The following NXNL2 variants were observed in gnomAD, a reference collection of about 807,000 sequenced individuals.
The protein encoded by NXNL2 is nucleoredoxin like 2.
A neutral mutation model predicts 11.1 loss-of-function variants in NXNL2; 7 were observed. The ratio of observed to expected loss-of-function variants is 0.63; its 90% CI spans 0.36 to 1.18. The LOEUF (loss-of-function observed/expected upper bound fraction) is 1.18. NXNL2 is among the 50% of genes most tolerant of loss of function. NXNL2 has a pLI of 0.02. For missense variants in NXNL2, 233 were observed against 217.7 expected, an observed-to-expected ratio of 1.07 and a Z score of -0.44; for synonymous variants, 109 against 101.8, an observed-to-expected ratio of 1.07 and a Z score of -0.42.
chr9:88,535,394 T>G lies in NXNL2; in HGVS notation c.-41T>G, dbSNP rs777247966. 3.3e-6 allele frequency: 5 copies of G among 1,530,940 alleles called. No homozygotes were observed. The highest frequency in any genetic ancestry group is 2.6e-6 in the Non-Finnish European group (3 of 1,146,172). The allele number at this position is 1,530,940 out of a possible 1,614,324, so 94.8% of individuals were successfully genotyped here. A position where few individuals can be genotyped will look rare whatever the true frequency, so the allele number is the denominator to read the frequency against. On this transcript the variant is annotated 5_prime_UTR_variant, in exon 1 of 2. Transcript: ENST00000375854. ...GCCTCCCCGCAGGTGATCATCCTCC[T>G]GCAGGTGTCCTCGGGTCTCAGGTGG... is the stretch of plus-strand genomic sequence containing the variant.
chr9:88,553,292 G>A (rs1829967320), intron 1 of NXNL2, among the ~76,000 whole-genome samples: 2 of 152,264 alleles, frequency 1.3e-5, no homozygotes, highest in South Asian at 4.1e-4. Flanking sequence ...GTTGCAGTGA[G>A]CTGAGATTGT....
At chr9:88,536,581 T>A (rs1261316992) in intron 1 of NXNL2, among the ~76,000 whole-genome samples, 1 of 152,142 alleles carries the variant, frequency 6.6e-6, no homozygotes, top group East Asian at 1.9e-4. Context: ...AATTTCTGGG[T>A]TTTGCTTTAC....
At chr9:88,540,318 C>G (rs887274786) in intron 1 of NXNL2, among the ~76,000 whole-genome samples, 3 of 148,156 alleles carry the variant, frequency 2.0e-5, no homozygotes, top group Admixed American at 1.3e-4. Flanking sequence ...GGCGAAAGAG[C>G]GAGACTCCAT....
chr9:88,535,323 C>G lies in NXNL2; in HGVS notation c.-112C>G. 1 of 1,124,582 alleles carries G rather than the reference C, an allele frequency of 8.9e-7. No homozygotes were observed. The highest frequency in any genetic ancestry group is 1.6e-5 in the South Asian group (1 of 61,950). 69.7% of individuals were successfully genotyped at this position (1,124,582 alleles called of 1,614,324 possible). A position where few individuals can be genotyped will look rare whatever the true frequency, so the allele number is the denominator to read the frequency against. On this transcript the variant is annotated 5_prime_UTR_variant, in exon 1 of 2. Transcript: ENST00000375854. ...CTGGGGCAGGTCTTGAGAGGTCCAG[C>G]GCCCGGTGGTGCGGACAGAGGCGGG... is the stretch of plus-strand genomic sequence containing the variant.
intron 1 of NXNL2, among the ~76,000 whole-genome samples, chr9:88,583,432 C>T (rs537618363): frequency 1.1e-4 from 17 of 152,302 alleles, no homozygotes; most frequent in African/African-American, 3.1e-4. Flanking sequence ...TGGTATTTGA[C>T]GCTGCATGGT....
chr9:88,541,312 G>A (rs535447702), intron 1 of NXNL2, among the ~76,000 whole-genome samples: 9 of 151,956 alleles, frequency 5.9e-5, no homozygotes, highest in Admixed American at 4.6e-4. Context: ...CCAGGCTGGA[G>A]TGCAGTGGTG....
chr9:88,564,643 C>T (rs536168581), intron 1 of NXNL2, among the ~76,000 whole-genome samples: 18 of 152,028 alleles, frequency 1.2e-4, no homozygotes, highest in Admixed American at 2.6e-4. Context: ...CTTGAACTCC[C>T]GACCTCAGGT....
At chr9:88,579,019 G>A (rs887630081), downstream of NXNL2, among the ~76,000 whole-genome samples, 1 of 152,176 alleles carries the variant, frequency 6.6e-6, no homozygotes, top group African/African-American at 2.4e-5. Flanking sequence ...GGGGATCACA[G>A]GAAAGTCTCG....
At chr9:88,555,570 G>A (rs1007983723) in intron 1 of NXNL2, among the ~76,000 whole-genome samples, 4 of 152,176 alleles carry the variant, frequency 2.6e-5, no homozygotes, top group Non-Finnish European at 5.9e-5. Flanking sequence ...CCTGTGTCTT[G>A]TGAAACAAGT....
At chr9:88,564,556 A>G (rs1039977025) in intron 1 of NXNL2, among the ~76,000 whole-genome samples, 1 of 152,056 alleles carries the variant, frequency 6.6e-6, no homozygotes, top group Non-Finnish European at 1.5e-5. Flanking sequence ...AGCTGGGATT[A>G]CAGGCATGTG....
rs1386755565 is a variant in NXNL2, at chr9:88,535,230, T to G, written c.-205T>G. 7.2e-6 allele frequency: 4 copies of G among 559,162 alleles called. No individual in the cohort carries two copies. In the African/African-American group the frequency reaches 8.0e-5, roughly 11 times the overall value. The allele number at this position is 559,162 out of a possible 1,614,324, so 34.6% of individuals were successfully genotyped here. ...GTATCTGGGGTCTCTGGTGTCTGAG[T>G]GTCTCATTGTCGGCGCGAACACAAT... On this transcript the variant is annotated 5_prime_UTR_variant, in exon 1 of 2. Coordinates refer to ENST00000375854, the MANE Select transcript of NXNL2 (RefSeq NM_001161625.2).
chr9:88,552,663 A>G (rs1472528096), intron 1 of NXNL2, among the ~76,000 whole-genome samples: 5 of 151,664 alleles, frequency 3.3e-5, no homozygotes, highest in African/African-American at 7.3e-5. Context: ...TAGAGACGGG[A>G]TTTCACCGTG....
chr9:88,538,543 T>C (rs951550682), intron 1 of NXNL2, among the ~76,000 whole-genome samples: 1 of 152,196 alleles, frequency 6.6e-6, no homozygotes, highest in African/African-American at 2.4e-5. Flanking sequence ...GCAAATCCTG[T>C]GTCTCCTCAC....
intron 1 of NXNL2, among the ~76,000 whole-genome samples, chr9:88,543,767 A>G (rs1829806041): frequency 6.6e-6 from 1 of 152,244 alleles, no homozygotes; most frequent in Non-Finnish European, 1.5e-5. Context: ...CACTAGCCAC[A>G]TTCTGAGCTC....
chr9:88,579,957 T>G (rs1830391234), downstream of NXNL2, among the ~76,000 whole-genome samples: 1 of 151,858 alleles, frequency 6.6e-6, no homozygotes, highest in Non-Finnish European at 1.5e-5. Flanking sequence ...GGTGAAATCC[T>G]ATCTCTACTA....
downstream of NXNL2, among the ~76,000 whole-genome samples, chr9:88,546,714 C>T (rs1404738943): frequency 6.6e-6 from 1 of 152,008 alleles, no homozygotes; most frequent in African/African-American, 2.4e-5. Flanking sequence ...CACGCTTGGC[C>T]GACACATACT....
chr9:88,542,146 T>C (rs529951751), intron 1 of NXNL2, among the ~76,000 whole-genome samples: 121 of 151,462 alleles, frequency 8.0e-4, no homozygotes, highest in African/African-American at 2.9e-3. Flanking sequence ...GGCAGGAGAA[T>C]GGCATGAACC....
downstream of NXNL2, among the ~76,000 whole-genome samples, chr9:88,576,312 G>A (rs186048043): frequency 8.3e-4 from 127 of 152,340 alleles, no homozygotes; most frequent in African/African-American, 2.5e-3. Context: ...GACTTCTCAA[G>A]GTTTCTCGAC....
At chr9:88,544,079 G>A (rs540897332) in intron 1 of NXNL2, among the ~76,000 whole-genome samples, 15 of 152,232 alleles carry the variant, frequency 9.9e-5, no homozygotes, top group Non-Finnish European at 1.8e-4. Context: ...GCTGAGGCAG[G>A]AGAATCGCTT....
Sources: gnomAD v4.1 joint callset for allele counts (sites outside exome capture counted in the v4.1 genomes callset) on GRCh38, gnomAD v4.1.1 for gene constraint, MANE v1.5 for transcripts, NCBI Gene and HGNC (gene_info 2026-07-23, HGNC 2026-07-21) for gene names.